The following NTAN1 variants were observed in gnomAD, a reference collection of about 807,000 sequenced individuals.
NTAN1 encodes protein N-terminal asparagine amidohydrolase.
NTAN1 carries 32 observed loss-of-function variants against 41.9 expected under a neutral mutation model. The ratio of observed to expected loss-of-function variants is 0.76; its 90% confidence interval spans 0.58 to 1.03. The LOEUF is 1.03. Among genes scored for constraint, NTAN1 ranks in the 50% least tolerant of loss-of-function variants. NTAN1 has a pLI of 0.00. For synonymous variants in NTAN1, 140 were observed against 139.5 expected, an observed-to-expected ratio of 1.00 and a Z score of -0.03; for missense variants, 377 against 377.5, an observed-to-expected ratio of 1.00 and a Z score of 0.01.
At chr16:15,041,238 A>C in intron 6 of NTAN1, 117 bp from the exon 7 acceptor site, 1 of 725,334 alleles carries the variant, frequency 1.4e-6, no homozygotes, top group Non-Finnish European at 2.4e-6. Flanking sequence ...GGAAAATTCC[A>C]GAAAATGAAA....
At chr16:15,041,522 A>AGTT in intron 6 of NTAN1, 101 bp downstream of exon 6, 1 of 822,168 alleles carries the variant, frequency 1.2e-6, no homozygotes, top group Non-Finnish European at 2.2e-6. Flanking sequence ...GTGGCCAAGC[A>AGTT]GTGACAGCAG....
At chr16:15,053,473 A>G (rs58636152) in intron 1 of NTAN1, among the ~76,000 whole-genome samples, 1 of 75,198 alleles carries the variant, frequency 1.3e-5, no homozygotes, top group Non-Finnish European at 3.1e-5. Flanking sequence ...GTAAGCTATC[A>G]TTTTTTTAAA....
chr16:15,043,704 C>CT (rs1205747554), intron 5 of NTAN1, among the ~76,000 whole-genome samples: 1 of 152,156 alleles, frequency 6.6e-6, no homozygotes, highest in Non-Finnish European at 1.5e-5. Context: ...AATCCCAGCA[C>CT]TTTAAGAGGC....
chr16:15,050,305 A>C (rs1488573189), intron 1 of NTAN1, among the ~76,000 whole-genome samples: 2 of 152,252 alleles, frequency 1.3e-5, no homozygotes, highest in African/African-American at 4.8e-5. Flanking sequence ...GGATGAACAA[A>C]ATCTTCCTCA....
At chr16:15,041,736 T>C in intron 5 of NTAN1, 60 bp from the exon 6 acceptor site, 2 of 1,279,332 alleles carry the variant, frequency 1.6e-6, no homozygotes, top group Non-Finnish European at 2.3e-6. Context: ...CAGAACAAAC[T>C]GCTGAGCAAG....
At chr16:15,048,600 G>A (rs989984678) in intron 1 of NTAN1, among the ~76,000 whole-genome samples, 5 of 152,036 alleles carry the variant, frequency 3.3e-5, no homozygotes, top group Non-Finnish European at 7.4e-5. Flanking sequence ...AGGAATAGTG[G>A]ATGGATGGCT....
chr16:15,050,710 T>A (rs2044260300), intron 1 of NTAN1, among the ~76,000 whole-genome samples: 1 of 151,566 alleles, frequency 6.6e-6, no homozygotes, highest in Non-Finnish European at 1.5e-5. Context: ...CCAGCCTGGG[T>A]GACAGACCAA....
rs1443832367 is a variant in NTAN1, at chr16:15,038,165, G to A, written c.799C>T (p.His267Tyr). Reference sequence around the variant, plus strand: ...AAAAACATCAAGGTAGATCTAATATGTTCAACAAAGTGGGGTGGCTCAGCC... The same window carrying A: ...AAAAACATCAAGGTAGATCTAATATATTCAACAAAGTGGGGTGGCTCAGCC... ...PLAEPPHFVE[H>Y]IRSTLMFLKK... Residue 267 changes from histidine (H) to tyrosine (Y), a missense_variant, in exon 10 of 10, where the codon CAT becomes TAT. His to Tyr is a moderately conservative substitution (Grantham distance 83). Transcript: ENST00000287706. The A allele has an allele frequency of 1.2e-6, 2 of 1,613,388 alleles. No individual in the cohort carries two copies. The highest frequency in any genetic ancestry group is 1.7e-6 in the Non-Finnish European group (2 of 1,179,580).
Position 15,050,767 on chromosome 16 carries a change from G to A in NTAN1, c.82-2668C>T, listed in dbSNP as rs1567771053. 2.0e-5 allele frequency among the ~76,000 whole-genome samples: 3 copies of A among 151,960 alleles called. No individual in the cohort carries two copies. The East Asian group carries it at 5.8e-4, about 29-fold the overall frequency. On this transcript the variant is annotated intron_variant, in intron 1 of 9. Coordinates refer to ENST00000287706, the MANE Select transcript of NTAN1 (RefSeq NM_173474.4). ...AAATTAAGATTAAACTAAAAGAAGA[G>A]ATGTAATAAACATAATGATCAGCTT...
Position 15,037,971 on chromosome 16 carries a change from G to GC in NTAN1, c.*59dup. The GC allele has an allele frequency of 7.6e-7, 1 of 1,307,302 alleles. No homozygotes were observed. The allele number at this position is 1,307,302 out of a possible 1,614,324, so 81.0% of individuals were successfully genotyped here. A position where few individuals can be genotyped will look rare whatever the true frequency, so the allele number is the denominator to read the frequency against. On this transcript the variant is annotated 3_prime_UTR_variant, in exon 10 of 10. Transcript: ENST00000287706. The stretch of plus-strand genomic sequence containing the variant: ...ATGTAGGATCCAGATCTGGATTCGT[G>GC]CCAGCCCCACCAATGGTCTGTCAGG...
chr16:15,045,172 C>G (rs1684587253), intron 4 of NTAN1: 1 of 151,402 alleles, frequency 6.6e-6, no homozygotes, highest in Non-Finnish European at 1.5e-5. Flanking sequence ...GGTGGCACAC[C>G]TGTAATCCCA....
chr16:15,041,774 C>A, intron 5 of NTAN1, 98 bp from the exon 6 acceptor site: 1 of 860,700 alleles, frequency 1.2e-6, no homozygotes, highest in Non-Finnish European at 2.0e-6. Context: ...CGGCAGCCAA[C>A]TGAGTGTGCT....
chr16:15,045,625 A>AACAAG (rs1275005290), intron 4 of NTAN1: 1 of 152,440 alleles, frequency 6.6e-6, no homozygotes, highest in Non-Finnish European at 1.5e-5. Flanking sequence ...AACAAAACAA[A>AACAAG]ACAAAAAGAC....
intron 1 of NTAN1, among the ~76,000 whole-genome samples, chr16:15,048,388 T>C (rs956582289): frequency 2.6e-5 from 4 of 152,154 alleles, no homozygotes; most frequent in African/African-American, 9.7e-5. Context: ...TTTTGTTTGT[T>C]TGTTTGTTTT....
chr16:15,038,699 C>A lies in NTAN1; in HGVS notation c.640-12G>T, dbSNP rs189206538. On this transcript the variant is annotated splice_polypyrimidine_tract_variant and intron_variant, in intron 8 of 9. Transcript: ENST00000287706. Reference sequence around the variant, plus strand: ...TAAATGCTAATCATCTAAAAAAGAACGTGTCAAGGATAGAATTTCAGGAAT... The same window carrying A: ...TAAATGCTAATCATCTAAAAAAGAAAGTGTCAAGGATAGAATTTCAGGAAT... 61 of 1,430,078 alleles carry A rather than the reference C, an allele frequency of 4.3e-5. No homozygotes were observed. Among genetic ancestry groups the A allele is most frequent in the Non-Finnish European group, 5.8e-5 (59 of 1,017,396 alleles). The allele number at this position is 1,430,078 out of a possible 1,614,324, so 88.6% of individuals were successfully genotyped here.
chr16:15,053,254 G>A (rs1360691018), intron 1 of NTAN1, among the ~76,000 whole-genome samples: 2 of 152,206 alleles, frequency 1.3e-5, no homozygotes, highest in Non-Finnish European at 2.9e-5. Context: ...GTGGGGCCTG[G>A]GGCCAGTTTC....
Position 15,037,998 on chromosome 16 carries a change from C to T in NTAN1, c.*33G>A, listed in dbSNP as rs1567748641. On this transcript the variant is annotated 3_prime_UTR_variant, in exon 10 of 10. Transcript: ENST00000287706. ...CAGCCCCACCAATGGTCTGTCAGGC[C>T]AAGAAGGTGCTTTCTTTGGTAATTC... 4 of 1,567,400 alleles carry T rather than the reference C, an allele frequency of 2.6e-6. No homozygotes were observed. In the South Asian group the frequency reaches 4.5e-5, roughly 18 times the overall value.
intron 6 of NTAN1, 22 bp from the exon 7 acceptor site, chr16:15,041,143 GATACACTTTTTAAAGAA>G (rs755367571): frequency 7.0e-7 from 1 of 1,431,522 alleles, no homozygotes; most frequent in East Asian, 2.3e-5. Flanking sequence ...GAATGTTTAA[GATACACTTTTTAAAGAA>G]ATACCAAATG....
At chr16:15,051,035 T>G (rs2044272020) in intron 1 of NTAN1, among the ~76,000 whole-genome samples, 1 of 152,228 alleles carries the variant, frequency 6.6e-6, no homozygotes, top group African/African-American at 2.4e-5. Context: ...ATTCCACTTC[T>G]TGCCTCATCT....
Sources: gnomAD v4.1 joint callset for allele counts (sites outside exome capture counted in the v4.1 genomes callset) on GRCh38, gnomAD v4.1.1 for gene constraint, MANE v1.5 for transcripts, NCBI Gene and HGNC (gene_info 2026-07-23, HGNC 2026-07-21) for gene names.